RFLNA: variants seen among roughly 807,000 people sequenced by gnomAD.
The protein encoded by RFLNA is refilin-A.
RFLNA carries 5 observed loss-of-function variants against 7.8 expected under a neutral mutation model. The ratio of observed to expected loss-of-function variants is 0.64; its 90% CI spans 0.34 to 1.35. The LOEUF is 1.35. Ranked by LOEUF, RFLNA falls within the 40% of genes most tolerant of loss-of-function variation. The pLI, the probability that RFLNA is intolerant of heterozygous loss-of-function variation, is 0.04. For missense variants in RFLNA, 278 were observed against 305.5 expected (o/e 0.91, Z 0.67); for synonymous variants, 141 against 131.3 (o/e 1.07, Z -0.50).
intron 1 of RFLNA, among the ~76,000 whole-genome samples, chr12:124,307,911 G>T (rs2034164648): frequency 6.6e-6 from 1 of 152,084 alleles, no homozygotes; most frequent in Admixed American, 6.5e-5. Flanking sequence ...GGTGGCTCCA[G>T]GTGCTCCTTG....
chr12:124,300,651 G>A (rs554575159), intron 1 of RFLNA, among the ~76,000 whole-genome samples: 5 of 150,950 alleles, frequency 3.3e-5, no homozygotes, highest in Middle Eastern at 3.4e-3. Context: ...TGGATGGATC[G>A]ATGGGCAAAT....
At chr12:124,296,944 C>T (rs141378493) in intron 1 of RFLNA, among the ~76,000 whole-genome samples, 23 of 152,242 alleles carry the variant, frequency 1.5e-4, no homozygotes, top group Non-Finnish European at 2.1e-4. Flanking sequence ...GGGAGCCTGG[C>T]GGGTGGAAGG....
chr12:124,292,579 T>C (rs6488928), upstream of RFLNA, among the ~76,000 whole-genome samples: 149,457 of 152,342 alleles, frequency 0.98, 73,382 homozygotes, highest in Middle Eastern at 1. Flanking sequence ...TCAGAGGTCA[T>C]GGTCACTGGG....
At chr12:124,293,939 T>A (rs1216711230), upstream of RFLNA, among the ~76,000 whole-genome samples, 5 of 152,220 alleles carry the variant, frequency 3.3e-5, no homozygotes, top group African/African-American at 1.2e-4. Flanking sequence ...TCCCTTTGAC[T>A]ATTCTTGGTT....
chr12:124,298,002 C>T (rs186590513), intron 1 of RFLNA, among the ~76,000 whole-genome samples: 2 of 152,352 alleles, frequency 1.3e-5, no homozygotes, highest in African/African-American at 2.4e-5. Flanking sequence ...TGCTGCGCCT[C>T]GCGGCTGAGG....
chr12:124,296,104 C>CTTTCTTTCTTTCTTTCTTTCT (rs1566319988), intron 1 of RFLNA, among the ~76,000 whole-genome samples: 1 of 5,014 alleles, frequency 2.0e-4, no homozygotes, highest in Non-Finnish European at 1.0e-3. Flanking sequence ...TTCTTTCTTT[C>CTTTCTTTCTTTCTTTCTTTCT]TTTCTTTCTT....
chr12:124,291,124 C>G (rs2033819640), upstream of RFLNA, among the ~76,000 whole-genome samples: 1 of 152,232 alleles, frequency 6.6e-6, no homozygotes, highest in African/African-American at 2.4e-5. Flanking sequence ...CAGCCTTCCC[C>G]CACATCCACC....
chr12:124,307,722 T>C (rs997384044), intron 1 of RFLNA, among the ~76,000 whole-genome samples: 1 of 152,088 alleles, frequency 6.6e-6, no homozygotes, highest in Non-Finnish European at 1.5e-5. Flanking sequence ...AGCATGTGGT[T>C]CTCTTGTGTG....
At chr12:124,305,247 C>A (rs1003970572) in intron 1 of RFLNA, among the ~76,000 whole-genome samples, 25 of 152,212 alleles carry the variant, frequency 1.6e-4, no homozygotes, top group African/African-American at 5.8e-4. Context: ...ATCCCCCTTG[C>A]GGGCCCACTG....
intron 1 of RFLNA, among the ~76,000 whole-genome samples, chr12:124,298,881 G>A (rs1315636872): frequency 6.6e-6 from 1 of 152,264 alleles, no homozygotes; most frequent in South Asian, 2.1e-4. Flanking sequence ...TGAGGCACAA[G>A]CAAGCTAGGC....
chr12:124,291,478 A>C (rs375605421), upstream of RFLNA, among the ~76,000 whole-genome samples: 3 of 152,162 alleles, frequency 2.0e-5, no homozygotes, highest in East Asian at 5.8e-4. Context: ...GCTGGTCTCA[A>C]ACTCCTGACC....
At chr12:124,292,859 G>C (rs74517522), upstream of RFLNA, among the ~76,000 whole-genome samples, 119 of 152,292 alleles carry the variant, frequency 7.8e-4, 1 homozygote, top group East Asian at 0.021. Context: ...CACCACAAAT[G>C]GTATTTCGCT....
chr12:124,297,170 C>T (rs919889428), intron 1 of RFLNA, among the ~76,000 whole-genome samples: 5 of 152,182 alleles, frequency 3.3e-5, no homozygotes, highest in African/African-American at 7.2e-5. Flanking sequence ...TCCTTGGTTC[C>T]TTCCATGACC....
At chr12:124,291,704 C>T (rs1023191619), upstream of RFLNA, among the ~76,000 whole-genome samples, 1 of 148,360 alleles carries the variant, frequency 6.7e-6, no homozygotes, top group Non-Finnish European at 1.5e-5. Flanking sequence ...GCAAATGGCT[C>T]TCCGTGAAAA....
At chr12:124,307,082 T>C (rs1247317321) in intron 1 of RFLNA, among the ~76,000 whole-genome samples, 1 of 152,142 alleles carries the variant, frequency 6.6e-6, no homozygotes, top group Non-Finnish European at 1.5e-5. Flanking sequence ...CACTAGACGC[T>C]GGGGTGTAAG....
chr12:124,314,783 G>C lies in RFLNA; in HGVS notation c.*258G>C, dbSNP rs1045852659. On this transcript the variant is annotated 3_prime_UTR_variant, in exon 3 of 3. Transcript: ENST00000546355. ...AGCACTTAAGCTGGCAAGGCGGTAGGGGCATGCACTGTTAGGTGGTGGCCA... is the reference window on the plus strand; with the variant it reads ...AGCACTTAAGCTGGCAAGGCGGTAGCGGCATGCACTGTTAGGTGGTGGCCA... 1.4e-6 allele frequency: 1 copy of C among 701,426 alleles called. No individual in the cohort carries two copies. The highest frequency in any genetic ancestry group is 2.0e-5 in the Admixed American group (1 of 49,038). The allele number at this position is 701,426 out of a possible 1,614,324, so 43.5% of individuals were successfully genotyped here. A position where few individuals can be genotyped will look rare whatever the true frequency, so the allele number is the denominator to read the frequency against.
chr12:124,314,826 A>G lies in RFLNA; in HGVS notation c.*301A>G. 1.7e-6 allele frequency: 1 copy of G among 597,770 alleles called. No homozygotes were observed. Among genetic ancestry groups the G allele is most frequent in the South Asian group, 1.5e-5 (1 of 64,542 alleles). The allele number at this position is 597,770 out of a possible 1,614,324, so 37.0% of individuals were successfully genotyped here. A position where few individuals can be genotyped will look rare whatever the true frequency, so the allele number is the denominator to read the frequency against. On this transcript the variant is annotated 3_prime_UTR_variant, in exon 3 of 3. Coordinates refer to ENST00000546355, the MANE Select transcript of RFLNA (RefSeq NM_001365156.1). ...GGTGGCCACCCCCAGGGTCAGGGGA[A>G]AAGAATGGGTCCATGGAGTGCCCTT...
intron 1 of RFLNA, among the ~76,000 whole-genome samples, chr12:124,296,194 CTTT>C (rs56833501): frequency 1.2e-4 from 1 of 8,432 alleles, no homozygotes; most frequent in Non-Finnish European, 6.1e-4. Flanking sequence ...CTTTTCTTTT[CTTT>C]TCTTTTTTTT....
chr12:124,311,630 C>A, intron 1 of RFLNA, 188 bp from the exon 2 acceptor site: 1 of 505,246 alleles, frequency 2.0e-6, no homozygotes. Context: ...ATGCCTGGAT[C>A]CCATGGAGGG....
Sources: allele counts gnomAD v4.1 joint callset (sites outside exome capture counted in the v4.1 genomes callset), GRCh38; gene constraint gnomAD v4.1.1; transcripts MANE v1.5; gene names NCBI Gene and HGNC (gene_info 2026-07-23, HGNC 2026-07-21).